SSB: variants seen among roughly 807,000 people sequenced by gnomAD.
SSB encodes the protein small RNA binding exonuclease protection factor La.
SSB carries 17 observed loss-of-function variants against 52.9 expected under a neutral mutation model. The ratio of observed to expected loss-of-function variants is 0.32; its 90% CI spans 0.22 to 0.48. The LOEUF is 0.48. Ranked by LOEUF, SSB falls within the 20% of genes least tolerant of loss-of-function variation. The pLI, the probability that SSB is intolerant of heterozygous loss-of-function variation, is 0.99. For missense variants in SSB, 314 were observed against 463.6 expected, an observed-to-expected ratio of 0.68 and a Z score of 2.96; for synonymous variants, 111 against 152.1, an observed-to-expected ratio of 0.73 and a Z score of 1.99.
chr2:169,804,041 T>C (rs532044141), intron 2 of SSB, among the ~76,000 whole-genome samples: 2 of 152,202 alleles, frequency 1.3e-5, no homozygotes, highest in South Asian at 4.2e-4. Flanking sequence ...GCGAGGCCAA[T>C]AAAATATCCT....
In SSB at chr2:169,812,023, A is replaced by C; in HGVS notation, c.*267A>C. On this transcript the variant is annotated 3_prime_UTR_variant, in exon 12 of 12. Transcript: ENST00000260956. ...TTGTAATATGAGAATGTATTAGTAC[A>C]AACTAACTAATAAAATATATACTAT... is the stretch of plus-strand genomic sequence containing the variant. The C allele has an allele frequency of 1.3e-6, 1 of 748,648 alleles. No homozygotes were observed. Among genetic ancestry groups the C allele is most frequent in the Non-Finnish European group, 2.2e-6 (1 of 464,968 alleles). The allele number at this position is 748,648 out of a possible 1,614,324, so 46.4% of individuals were successfully genotyped here.
At position 169,800,956 on chromosome 2, in the gene SSB, C is replaced by T. The variant is rs1689700776; in HGVS notation, c.-5C>T. The T allele has an allele frequency of 1.3e-6, 2 of 1,579,372 alleles. No homozygotes were observed. Among genetic ancestry groups the T allele is most frequent in the African/African-American group, 1.4e-5 (1 of 72,560 alleles). On this transcript the variant is annotated 5_prime_UTR_variant, in exon 2 of 12. Transcript: ENST00000260956. ...CTAATTTGGGAAATTTTACAGATAG[C>T]CGCAATGGCTGAAAATGGTGATAAT...
chr2:169,805,620 A>G (rs111475084), intron 3 of SSB, 43 bp downstream of exon 3: 23 of 1,612,150 alleles, frequency 1.4e-5, no homozygotes, highest in Middle Eastern at 1.7e-4. Flanking sequence ...TCTGTTTACA[A>G]TGAGTGCTAC....
rs762997560 is a variant in SSB, at chr2:169,811,696, A to G, written c.1167A>G (p.Thr389=). 7 of 1,613,128 alleles carry G rather than the reference A, an allele frequency of 4.3e-6. No homozygotes were observed. The African/African-American group carries it at 8.0e-5, about 18-fold the overall frequency. Residue 389 remains threonine (T), a synonymous_variant, in exon 12 of 12, where the codon ACA becomes ACG. Transcript: ENST00000260956. Reference sequence around the variant, plus strand: ...CTGTGAAAAGAGCAAGAGAAGAAACAGACAAAGAAGAACCTGCATCCAAAC... The same window carrying G: ...CTGTGAAAAGAGCAAGAGAAGAAACGGACAAAGAAGAACCTGCATCCAAAC... ...TGPVKRAREE[T]DKEEPASKQQ... is the part of the protein sequence containing the mutation.
At chr2:169,808,991 G>A (rs772183314) in intron 8 of SSB, 89 bp downstream of exon 8, 10 of 1,037,384 alleles carry the variant, frequency 9.6e-6, no homozygotes, top group South Asian at 2.5e-5. Context: ...AAGAAAATAC[G>A]TAAGCAAAGC....
intron 9 of SSB, 131 bp from the exon 10 acceptor site, chr2:169,810,727 T>C (rs961265282): frequency 1.0e-5 from 9 of 870,370 alleles, no homozygotes; most frequent in Non-Finnish European, 1.4e-5. Flanking sequence ...TTTTCTACTG[T>C]TCAGTAAAAT....
chr2:169,808,132 A>G (rs944858778), intron 6 of SSB, among the ~76,000 whole-genome samples: 1 of 152,170 alleles, frequency 6.6e-6, no homozygotes, highest in Non-Finnish European at 1.5e-5. Flanking sequence ...TGAATGATAA[A>G]TGGAAATCAA....
rs918728303 is a variant in SSB at position 169,805,672 on chromosome 2, C to T, written c.178C>T (p.Arg60Cys). The change falls in exon 4 of 12, where the codon CGT (arginine) becomes TGT (cysteine). Residue 60 changes from arginine to cysteine, a missense_variant. Transcript: ENST00000260956. ...TTTATATGTACTCTTCAGGTTGAAC[C>T]GTCTAACAACAGACTTTAATGTAAT... The part of the protein sequence containing the change: ...EIMIKFNRLN[R>C]LTTDFNVIVE... The T allele has an allele frequency of 6.2e-6, 10 of 1,613,606 alleles. No individual in the cohort carries two copies. The highest frequency in any genetic ancestry group is 2.2e-5 in the East Asian group (1 of 44,860).
chr2:169,807,280 AT>A (rs1264959163), intron 6 of SSB, among the ~76,000 whole-genome samples: 3 of 151,240 alleles, frequency 2.0e-5, no homozygotes, highest in Middle Eastern at 3.4e-3. Flanking sequence ...ACTGTTAACA[AT>A]TTTTTTTTCT....
In SSB at chr2:169,810,323, CGGGTGAT is replaced by C. The variant is rs1558972991; in HGVS notation, c.711_717del (p.Gly238Ter). 1 of 1,606,180 alleles carries C rather than the reference CGGGTGAT, an allele frequency of 6.2e-7. No homozygotes were observed. ...AAGATTGGATGCTTGCTGAAATTTT[CGGGTGAT>C]TTAGATGATCAGACCTGTAGAGAAG... On this transcript the variant is annotated frameshift_variant, in exon 9 of 12. Coordinates refer to ENST00000260956, the MANE Select transcript of SSB (RefSeq NM_003142.5). LOFTEE classifies it high-confidence loss of function.
At chr2:169,805,949 G>A (rs764204017) in intron 4 of SSB, 110 bp downstream of exon 4, 48 of 1,069,730 alleles carry the variant, frequency 4.5e-5, no homozygotes, top group Non-Finnish European at 5.7e-5. Context: ...ATGTCCTTTC[G>A]TAATATTCTT....
At position 169,811,978 on chromosome 2, in the gene SSB, AT is replaced by A. The variant is rs1168546493; in HGVS notation, c.*224del. ...AGATGATTCAAATATCAAAAGGAAG[AT>A]TCTTCCATTAAATTGCCTTTGTAAT... On this transcript the variant is annotated 3_prime_UTR_variant, in exon 12 of 12. Coordinates refer to ENST00000260956, the MANE Select transcript of SSB (RefSeq NM_003142.5). 2 of 1,165,808 alleles carry A rather than the reference AT, an allele frequency of 1.7e-6. No individual in the cohort carries two copies. Among genetic ancestry groups the A allele is most frequent in the Non-Finnish European group, 2.4e-6 (2 of 819,510 alleles). 72.2% of individuals were successfully genotyped at this position (1,165,808 alleles called of 1,614,324 possible).
At chr2:169,805,959 T>C in intron 4 of SSB, 120 bp downstream of exon 4, 1 of 1,025,780 alleles carries the variant, frequency 9.7e-7, no homozygotes, top group Non-Finnish European at 1.5e-6. Context: ...GTAATATTCT[T>C]AACCTAAGTT....
rs78760532 is a variant in SSB, at chr2:169,806,011, C to A, written c.345+172C>A. On this transcript the variant is annotated intron_variant, in intron 4 of 11. Transcript: ENST00000260956. ...GTTTTGAGACAGTCTCATCCTGTTG[C>A]TCACGTTGGAGTGCAGTGGTGTGAT... 5,301 of 749,328 alleles carry A rather than the reference C, an allele frequency of 7.1e-3. 183 individuals carry two copies. The African/African-American group carries it at 0.079, about 11-fold the overall frequency. The allele number at this position is 749,328 out of a possible 1,614,324, so 46.4% of individuals were successfully genotyped here.
At chr2:169,811,074 T>C (rs1272268650) in intron 10 of SSB, 30 bp downstream of exon 10, 1 of 1,601,660 alleles carries the variant, frequency 6.2e-7, no homozygotes, top group East Asian at 2.2e-5. Flanking sequence ...CTTTAACAGT[T>C]TGGTTGTTGA....
rs1183288270 is a variant in SSB, at chr2:169,806,801, A to G, written c.362A>G (p.Asp121Gly). 5.0e-6 allele frequency: 8 copies of G among 1,611,086 alleles called. No homozygotes were observed. Among genetic ancestry groups the G allele is most frequent in the Non-Finnish European group, 6.8e-6 (8 of 1,179,224 alleles). Residue 121 changes from aspartate to glycine, a missense_variant, in exon 5 of 12, where the codon GAT (aspartate) becomes GGT (glycine). Physicochemically the swap from Asp to Gly is moderately conservative, Grantham distance 94. Coordinates refer to ENST00000260956, the MANE Select transcript of SSB (RefSeq NM_003142.5). Reference protein sequence around the residue: ...RSVYIKGFPTDATLDDIKEWL... With the variant: ...RSVYIKGFPTGATLDDIKEWL... ...TCTTCACAGAAAGGCTTCCCAACTG[A>G]TGCAACTCTTGATGACATAAAAGAA... is the stretch of plus-strand genomic sequence containing the variant.
chr2:169,806,716 A>G (rs898350967), intron 4 of SSB, 69 bp from the exon 5 acceptor site: 11 of 1,271,182 alleles, frequency 8.7e-6, no homozygotes, highest in African/African-American at 4.5e-5. Flanking sequence ...AAATGAATCA[A>G]ATTCTCTCCA....
rs766037530 is a variant in SSB at position 169,800,912 on chromosome 2, T to C, written c.-9-40T>C. ...ATTATCTTTCTATTCTTGAGTTTTA[T>C]ATAAAAAATAACTTTATGCTAATTT... On this transcript the variant is annotated intron_variant, in intron 1 of 11. Coordinates refer to ENST00000260956, the MANE Select transcript of SSB (RefSeq NM_003142.5). The C allele has an allele frequency of 1.7e-5, 24 of 1,431,166 alleles. 1 individual carries two copies. The South Asian group carries it at 2.9e-4, about 17-fold the overall frequency. The allele number at this position is 1,431,166 out of a possible 1,614,324, so 88.7% of individuals were successfully genotyped here.
chr2:169,806,940 C>T (rs1558971344), intron 5 of SSB, 31 bp from the exon 6 acceptor site: 1 of 1,609,770 alleles, frequency 6.2e-7, no homozygotes, highest in African/African-American at 1.3e-5. Context: ...TGGGACATAA[C>T]TTAAAAAAAT....
Sources: gnomAD v4.1 joint callset for allele counts (sites outside exome capture counted in the v4.1 genomes callset) on GRCh38, gnomAD v4.1.1 for gene constraint, MANE v1.5 for transcripts, NCBI Gene and HGNC (gene_info 2026-07-23, HGNC 2026-07-21) for gene names.